Variants in LMF1 observed in about 807,000 individuals in gnomAD.
The protein encoded by LMF1 is lipase maturation factor 1, also known as transmembrane protein 112.
LMF1 carries 68 observed loss-of-function variants against 60.6 expected under a neutral mutation model. The observed-to-expected ratio is 1.12, with a 90% CI of 0.92 to 1.37. The LOEUF is 1.37. LMF1 is among the 40% of genes most tolerant of loss of function. The pLI is 0.00. For synonymous variants in LMF1, 418 were observed against 324.7 expected (o/e 1.29, Z -3.09); for missense variants, 948 against 767.2 (o/e 1.24, Z -2.78).
intron 2 of LMF1, among the ~76,000 whole-genome samples, chr16:948,039 G>A (rs534419032): frequency 7.5e-6 from 1 of 132,842 alleles, no homozygotes; most frequent in Admixed American, 7.4e-5. Context: ...CAACGACAGA[G>A]TCAGCCAATG....
Position 854,054 on chromosome 16 carries a change from G to A in LMF1, c.*478C>T, listed in dbSNP as rs1194133057. On this transcript the variant is annotated 3_prime_UTR_variant, in exon 11 of 11. Transcript: ENST00000262301. Reference sequence around the variant, plus strand: ...GTCCCTGTGGGGCGAGGGTTTGGCTGCCCCAGACGTGACAGGGACTTGGCT... The same window carrying A: ...GTCCCTGTGGGGCGAGGGTTTGGCTACCCCAGACGTGACAGGGACTTGGCT... The A allele has an allele frequency of 2.2e-6, 1 of 455,228 alleles. No individual in the cohort carries two copies. Among genetic ancestry groups the A allele is most frequent in the East Asian group, 6.9e-5 (1 of 14,458 alleles). 28.2% of individuals were successfully genotyped at this position (455,228 alleles called of 1,614,324 possible).
chr16:861,390 C>T (rs1346640631), intron 10 of LMF1, among the ~76,000 whole-genome samples: 1 of 127,174 alleles, frequency 7.9e-6, no homozygotes, highest in Admixed American at 9.2e-5. Context: ...TGGAGTTTCA[C>T]TCTGTCGCCC....
At chr16:866,813 G>C (rs1242163917) in intron 10 of LMF1, among the ~76,000 whole-genome samples, 1 of 152,180 alleles carries the variant, frequency 6.6e-6, no homozygotes, top group African/African-American at 2.4e-5. Context: ...GTCTGCATCT[G>C]CTGGCATTAC....
intron 2 of LMF1, among the ~76,000 whole-genome samples, chr16:938,937 T>G (rs2072019548): frequency 6.6e-6 from 1 of 152,194 alleles, no homozygotes; most frequent in African/African-American, 2.4e-5. Context: ...ACGGGCAGAC[T>G]GGACACAAGA....
chr16:974,904 T>C (rs1276889742), upstream of LMF1, among the ~76,000 whole-genome samples: 1 of 152,204 alleles, frequency 6.6e-6, no homozygotes, highest in African/African-American at 2.4e-5. Context: ...TTTCATGTCC[T>C]GAAGTCTGGG....
At chr16:888,801 GT>G (rs2070388729) in intron 5 of LMF1, among the ~76,000 whole-genome samples, 1 of 152,192 alleles carries the variant, frequency 6.6e-6, no homozygotes, top group Non-Finnish European at 1.5e-5. Flanking sequence ...CTGGGGTGGG[GT>G]TTTAGGGACA....
At chr16:864,783 C>T (rs1170102437) in intron 10 of LMF1, among the ~76,000 whole-genome samples, 1 of 151,526 alleles carries the variant, frequency 6.6e-6, no homozygotes, top group African/African-American at 2.4e-5. Flanking sequence ...CACCACCATG[C>T]CTGGCTAATT....
At chr16:913,366 C>T (rs1320311673) in intron 3 of LMF1, among the ~76,000 whole-genome samples, 1 of 152,380 alleles carries the variant, frequency 6.6e-6, no homozygotes, top group African/African-American at 2.4e-5. Flanking sequence ...GCGACACAGA[C>T]AGCGTTGGCC....
intron 4 of LMF1, among the ~76,000 whole-genome samples, chr16:904,761 G>A (rs2070928690): frequency 4.5e-5 from 1 of 22,170 alleles, no homozygotes; most frequent in Admixed American, 2.6e-4. Context: ...GGTGACCTCT[G>A]CACCGCCCAC....
chr16:930,968 A>T (rs544938307), intron 3 of LMF1, among the ~76,000 whole-genome samples: 102 of 152,082 alleles, frequency 6.7e-4, no homozygotes, highest in African/African-American at 2.4e-3. Flanking sequence ...TAAAAATACA[A>T]AAATTAGCCG....
intron 5 of LMF1, among the ~76,000 whole-genome samples, chr16:885,740 G>A (rs2070288640): frequency 6.6e-6 from 1 of 152,342 alleles, no homozygotes; most frequent in East Asian, 1.9e-4. Flanking sequence ...AAAACGGATA[G>A]AAATGTAAGC....
At chr16:871,382 G>A (rs1239666832) in intron 6 of LMF1, 41 bp from the exon 7 acceptor site, 3 of 1,599,830 alleles carry the variant, frequency 1.9e-6, no homozygotes, top group Non-Finnish European at 2.6e-6. Context: ...AGGGGCTCGT[G>A]TGGGGCCCCT....
intron 10 of LMF1, among the ~76,000 whole-genome samples, chr16:858,720 G>A (rs1191938444): frequency 1.5e-4 from 15 of 99,990 alleles, no homozygotes; most frequent in Non-Finnish European, 2.1e-4. Context: ...GGTGTCTCGG[G>A]ACGGGTGTGA....
intron 10 of LMF1, among the ~76,000 whole-genome samples, chr16:866,330 C>G (rs2069608732): frequency 6.6e-6 from 1 of 152,142 alleles, no homozygotes; most frequent in Non-Finnish European, 1.5e-5. Context: ...TGGGAGTATT[C>G]CTTGTTGTTT....
At chr16:954,264 T>C in intron 2 of LMF1, 93 bp downstream of exon 2, 2 of 1,260,962 alleles carry the variant, frequency 1.6e-6, no homozygotes, top group Non-Finnish European at 2.2e-6. Flanking sequence ...AGATAAACGC[T>C]CGTCCAGTCT....
At chr16:865,387 G>C (rs1180230391) in intron 10 of LMF1, among the ~76,000 whole-genome samples, 1 of 152,176 alleles carries the variant, frequency 6.6e-6, no homozygotes, top group African/African-American at 2.4e-5. Context: ...GTCTCGCTCT[G>C]TTGCCCAGGC....
chr16:855,678 G>A (rs771111275), intron 10 of LMF1: 1 of 455,706 alleles, frequency 2.2e-6, no homozygotes, highest in Non-Finnish European at 4.4e-6. Context: ...TGGCAGAGCT[G>A]GGCCCCAGCT....
At chr16:960,404 C>G (rs1193513377) in intron 1 of LMF1, among the ~76,000 whole-genome samples, 2 of 83,706 alleles carry the variant, frequency 2.4e-5, no homozygotes, top group African/African-American at 6.1e-5. Context: ...GACCCAGACA[C>G]AGACTCACGG....
chr16:914,065 G>A (rs2071198828), intron 3 of LMF1, among the ~76,000 whole-genome samples: 1 of 152,154 alleles, frequency 6.6e-6, no homozygotes, highest in African/African-American at 2.4e-5. Flanking sequence ...GGGCCGCGAG[G>A]CCTGGGCGGC....
Sources: gnomAD v4.1 joint callset for allele counts (sites outside exome capture counted in the v4.1 genomes callset) on GRCh38, gnomAD v4.1.1 for gene constraint, MANE v1.5 for transcripts, NCBI Gene and HGNC (gene_info 2026-07-23, HGNC 2026-07-21) for gene names.